The following OSBPL8 variants were observed in gnomAD, a reference collection of about 807,000 sequenced individuals.
OSBPL8 encodes the protein oxysterol-binding protein-related protein 8.
Under a neutral mutation model 125.5 loss-of-function variants are expected in OSBPL8, and 59 were observed. The observed-to-expected ratio is 0.47, with a 90% CI of 0.38 to 0.58. The LOEUF (loss-of-function observed/expected upper bound fraction) is 0.58, where lower values mean the gene tolerates loss of function less well. Ranked by LOEUF, OSBPL8 falls within the 20% of genes least tolerant of loss-of-function variation. The pLI is 0.00. For synonymous variants in OSBPL8, 330 were observed against 338.9 expected (o/e 0.97, Z 0.29); for missense variants, 758 against 1,047.8 (o/e 0.72, Z 3.82).
rs74612201 is a variant in OSBPL8 at position 76,386,702 on chromosome 12, C to A, written c.1353-42G>T. ...TAAACAAAAATTTTAAAAAATGTAT[C>A]ACAAATTCTCTCTCACATTTATTAA... On this transcript the variant is annotated intron_variant, in intron 12 of 23. Coordinates refer to ENST00000261183, the MANE Select transcript of OSBPL8 (RefSeq NM_020841.5). 8.7e-3 allele frequency: 11,823 copies of A among 1,359,858 alleles called. 879 individuals are homozygous for A. In the African/African-American group the frequency reaches 0.15, roughly 17 times the overall value. The allele number at this position is 1,359,858 out of a possible 1,614,324, so 84.2% of individuals were successfully genotyped here.
intron 1 of OSBPL8, among the ~76,000 whole-genome samples, chr12:76,532,550 T>C (rs1470489777): frequency 1.3e-5 from 2 of 152,222 alleles, no homozygotes; most frequent in South Asian, 2.1e-4. Flanking sequence ...AAAAATGTTA[T>C]ATCCACCTAG....
At chr12:76,399,820 T>A (rs1027833533) in intron 7 of OSBPL8, 53 bp downstream of exon 7, 2 of 1,440,836 alleles carry the variant, frequency 1.4e-6, no homozygotes, top group African/African-American at 2.9e-5. Flanking sequence ...GGCTTTTCCA[T>A]TCCAGTAGGT....
At chr12:76,487,227 G>A (rs1392932971) in intron 2 of OSBPL8, among the ~76,000 whole-genome samples, 2 of 151,436 alleles carry the variant, frequency 1.3e-5, no homozygotes, top group Non-Finnish European at 2.9e-5. Flanking sequence ...ACAGGGTTTC[G>A]CCATTGTTGC....
intron 1 of OSBPL8, among the ~76,000 whole-genome samples, chr12:76,531,088 T>C (rs1592862944): frequency 6.6e-6 from 1 of 152,152 alleles, no homozygotes. Context: ...TCCACATGGC[T>C]GAGAAGGCCT....
chr12:76,427,176 G>A (rs1177554313), intron 4 of OSBPL8, among the ~76,000 whole-genome samples: 4 of 152,030 alleles, frequency 2.6e-5, no homozygotes, highest in Non-Finnish European at 5.9e-5. Context: ...AAATGCCTGA[G>A]AAACTACTTG....
At chr12:76,373,769 T>C (rs1952709272) in intron 17 of OSBPL8, among the ~76,000 whole-genome samples, 2 of 152,080 alleles carry the variant, frequency 1.3e-5, no homozygotes, top group African/African-American at 4.8e-5. Flanking sequence ...TGTGACGTTA[T>C]CTTAAGCAAT....
intron 22 of OSBPL8, among the ~76,000 whole-genome samples, chr12:76,358,468 C>T (rs966931126): frequency 2.0e-5 from 3 of 152,018 alleles, no homozygotes; most frequent in African/African-American, 7.3e-5. Context: ...AGGCATGAGC[C>T]ACCACACCCT....
rs1489680940 is a variant in OSBPL8, at chr12:76,352,650, T to C, written c.*3239A>G. 1.3e-5 allele frequency: 2 copies of C among 152,534 alleles called. No individual in the cohort carries two copies. Among genetic ancestry groups the C allele is most frequent in the African/African-American group, 2.4e-5 (1 of 41,462 alleles). 9.4% of individuals were successfully genotyped at this position (152,534 alleles called of 1,614,324 possible). On this transcript the variant is annotated 3_prime_UTR_variant, in exon 24 of 24. Coordinates refer to ENST00000261183, the MANE Select transcript of OSBPL8 (RefSeq NM_020841.5). ...GTACATTTAATATGATTCAATATAA[T>C]CTGCAGTCTCATGTATGGCTTATCA...
chr12:76,397,550 G>C (rs1387792758), intron 8 of OSBPL8, 144 bp downstream of exon 8: 3 of 815,856 alleles, frequency 3.7e-6, no homozygotes, highest in Non-Finnish European at 5.7e-6. Context: ...TGTGGGTAGA[G>C]GCAGAATGGG....
At position 76,487,521 on chromosome 12, in the gene OSBPL8, C is replaced by T. The variant is rs1268124913; in HGVS notation, c.31G>A (p.Asp11Asn). Residue 11 changes from aspartate to asparagine, a missense_variant, in exon 2 of 24, where the codon GAT becomes AAT. By Grantham distance (23) the Asp-to-Asn change is conservative (BLOSUM62 1). This residue lies in a region of OSBPL8 where 117 missense variants were observed against 137.1 expected (regional missense o/e 0.85). Coordinates refer to ENST00000261183, the MANE Select transcript of OSBPL8 (RefSeq NM_020841.5). ...TATGAACTACTCACCGAAGTTCGAT[C>T]AGGTTCTCCATCTGCCAAACCTCCC... MEGGLADGEP[D>N]RTSLLGDSKD... is the part of the protein sequence containing the mutation. 6.2e-7 allele frequency: 1 copy of T among 1,604,704 alleles called. No homozygotes were observed. Among genetic ancestry groups the T allele is most frequent in the Non-Finnish European group, 8.5e-7 (1 of 1,176,252 alleles).
intron 1 of OSBPL8, among the ~76,000 whole-genome samples, chr12:76,554,047 C>T (rs1166746899): frequency 6.9e-6 from 1 of 145,720 alleles, no homozygotes; most frequent in Non-Finnish European, 1.5e-5. Context: ...TTCTTTAAAA[C>T]TATTTTTTAA....
chr12:76,386,850 A>G (rs567420896), intron 12 of OSBPL8, among the ~76,000 whole-genome samples, 190 bp from the exon 13 acceptor site: 45 of 152,048 alleles, frequency 3.0e-4, no homozygotes, highest in Non-Finnish European at 5.9e-4. Context: ...ACCTGGTCAC[A>G]TTTTCCCCCA....
Position 76,437,322 on chromosome 12 carries a change from T to G in OSBPL8, c.217+13529A>C, listed in dbSNP as rs368647074. 1.4e-4 allele frequency among the ~76,000 whole-genome samples: 21 copies of G among 152,262 alleles called. No individual in the cohort carries two copies. In the East Asian group the frequency reaches 3.7e-3, roughly 27 times the overall value. On this transcript the variant is annotated intron_variant, in intron 4 of 23. Transcript: ENST00000261183. The stretch of plus-strand genomic sequence containing the variant: ...CCTGTAATTATCAGACTTGAAAAAT[T>G]TTTTTGATGTGGTGGGTGGGTATGA...
At chr12:76,371,424 T>C (rs887005476) in intron 19 of OSBPL8, 24 bp downstream of exon 19, 1 of 1,568,856 alleles carries the variant, frequency 6.4e-7, no homozygotes, top group Admixed American at 1.9e-5. Context: ...CCTCATGAAG[T>C]TAGCTGTAAA....
intron 1 of OSBPL8, among the ~76,000 whole-genome samples, chr12:76,554,675 T>C (rs1951043164): frequency 6.6e-6 from 1 of 152,378 alleles, no homozygotes; most frequent in East Asian, 1.9e-4. Flanking sequence ...GCTATTAATA[T>C]GACCTATAAC....
rs75194531 is a variant in OSBPL8 at position 76,470,502 on chromosome 12, C to G, written c.43-10607G>C. Among the ~76,000 whole-genome samples the G allele has an allele frequency of 9.6e-3, 1,455 of 152,234 alleles. 29 individuals are homozygous for G. The highest frequency in any genetic ancestry group is 0.034 in the African/African-American group (1,411 of 41,532). ...TGTTTCACGCATTTCAATTGTCAAT[C>G]TGAAATAAAAGCATCTTACTTGAAA... On this transcript the variant is annotated intron_variant, in intron 2 of 23. Transcript: ENST00000261183.
intron 12 of OSBPL8, among the ~76,000 whole-genome samples, chr12:76,388,450 G>C (rs1953413607): frequency 1.3e-5 from 2 of 152,152 alleles, no homozygotes; most frequent in Admixed American, 1.3e-4. Context: ...TTCTATTTGA[G>C]ACAGGGGGCA....
intron 1 of OSBPL8, among the ~76,000 whole-genome samples, chr12:76,553,498 T>TA (rs34303965): frequency 0.59 from 80,602 of 136,036 alleles, 23,434 homozygotes; most frequent in East Asian, 0.9. Context: ...ACTCTGTTTC[T>TA]AAAAAAAAAA....
intron 5 of OSBPL8, among the ~76,000 whole-genome samples, chr12:76,407,218 AAAAC>A (rs1378008807): frequency 2.6e-5 from 4 of 152,216 alleles, no homozygotes; most frequent in African/African-American, 9.7e-5. Flanking sequence ...ACTGTTCTGA[AAAAC>A]AAGAGAGTTG....
Sources: gnomAD v4.1 joint callset for allele counts (sites outside exome capture counted in the v4.1 genomes callset) on GRCh38, gnomAD v4.1.1 for gene constraint, gnomAD v4.1.1 regional missense constraint, MANE v1.5 for transcripts, NCBI Gene and HGNC (gene_info 2026-07-23, HGNC 2026-07-21) for gene names.